The following GADL1 variants were observed in gnomAD, a reference collection of about 807,000 sequenced individuals.
The protein encoded by GADL1 is GAD like acidic amino acid decarboxylase 1, also known as acidic amino acid decarboxylase GADL1.
A neutral mutation model predicts 69.5 loss-of-function variants in GADL1; 71 were observed. That is an observed-to-expected ratio of 1.02 (90% CI 0.84 to 1.25). GADL1 has a LOEUF of 1.25. GADL1 is among the 50% of genes most tolerant of loss of function. The pLI is 0.00. For missense variants in GADL1, 737 were observed against 631.8 expected, an observed-to-expected ratio of 1.17 and a Z score of -1.79; for synonymous variants, 254 against 214.4, an observed-to-expected ratio of 1.18 and a Z score of -1.62.
At chr3:30,758,482 C>G (rs795451) in intron 14 of GADL1, among the ~76,000 whole-genome samples, 1 of 152,034 alleles carries the variant, frequency 6.6e-6, no homozygotes, top group South Asian at 2.1e-4. Context: ...TAGAATCAGA[C>G]TGGCTCTGAG....
intron 13 of GADL1, among the ~76,000 whole-genome samples, chr3:30,782,559 T>G (rs1173203962): frequency 6.6e-6 from 1 of 152,130 alleles, no homozygotes; most frequent in Non-Finnish European, 1.5e-5. Flanking sequence ...GGCATCTAGG[T>G]GAAAATTTCA....
chr3:30,751,816 A>G (rs1368086752), intron 14 of GADL1, among the ~76,000 whole-genome samples: 3 of 152,102 alleles, frequency 2.0e-5, no homozygotes. Flanking sequence ...AGTCCCTTGG[A>G]AAGCTTTTTT....
In GADL1 at chr3:30,759,106, T is replaced by G. The variant is rs140073656; in HGVS notation, c.1392+19073A>C. ...CCAGTGCAGATCACGATGGAGCTGGTTGGATTTAGTGCTGGCATCTCGTAA... is the reference window on the plus strand; with the variant it reads ...CCAGTGCAGATCACGATGGAGCTGGGTGGATTTAGTGCTGGCATCTCGTAA... On this transcript the variant is annotated intron_variant, in intron 14 of 14. Transcript: ENST00000282538. Among the ~76,000 whole-genome samples the G allele has an allele frequency of 1.5e-3, 227 of 152,238 alleles. 4 individuals carry two copies. Among genetic ancestry groups the G allele is most frequent in the African/African-American group, 5.2e-3 (217 of 41,540 alleles).
intron 6 of GADL1, among the ~76,000 whole-genome samples, chr3:30,847,848 A>G (rs1447761031): frequency 1.3e-5 from 2 of 152,174 alleles, no homozygotes; most frequent in East Asian, 3.9e-4. Context: ...TTTCACTCCC[A>G]ATTCATAAGC....
intron 1 of GADL1, among the ~76,000 whole-genome samples, chr3:30,867,588 G>C (rs186336477): frequency 2.6e-5 from 4 of 151,822 alleles, no homozygotes; most frequent in South Asian, 4.2e-4. Context: ...GCACAGAGAG[G>C]GTTTAATTCA....
At chr3:30,754,431 C>G (rs1695913735) in intron 14 of GADL1, among the ~76,000 whole-genome samples, 1 of 152,072 alleles carries the variant, frequency 6.6e-6, no homozygotes, top group African/African-American at 2.4e-5. Context: ...AAGCATGAAT[C>G]CTAAAGGGAT....
chr3:30,802,716 G>A (rs1261079816), intron 11 of GADL1, among the ~76,000 whole-genome samples: 1 of 152,152 alleles, frequency 6.6e-6, no homozygotes, highest in East Asian at 1.9e-4. Flanking sequence ...TTACAAAAAA[G>A]TATGATTTTA....
chr3:30,867,301 T>C (rs963869843), intron 1 of GADL1, among the ~76,000 whole-genome samples: 6 of 151,700 alleles, frequency 4.0e-5, no homozygotes, highest in Non-Finnish European at 7.4e-5. Context: ...ACCTCTAAAG[T>C]CCTTCCAAAA....
intron 1 of GADL1, among the ~76,000 whole-genome samples, chr3:30,883,122 G>A (rs1391149212): frequency 2.6e-5 from 4 of 151,858 alleles, no homozygotes; most frequent in African/African-American, 4.8e-5. Context: ...TGTTGATTGT[G>A]TCTTTTGGTG....
chr3:30,770,942 C>T (rs927997889), intron 14 of GADL1, among the ~76,000 whole-genome samples: 2 of 151,998 alleles, frequency 1.3e-5, no homozygotes, highest in Non-Finnish European at 2.9e-5. Context: ...ATGTTTAGAC[C>T]ACAAAACAAT....
chr3:30,839,257 A>G (rs1559357523), intron 8 of GADL1, 144 bp from the exon 9 acceptor site: 3 of 520,902 alleles, frequency 5.8e-6, no homozygotes, highest in Non-Finnish European at 6.9e-6. Flanking sequence ...GTGTTTTTAA[A>G]TTTTGTGAAT....
At chr3:30,849,795 A>G (rs1490871046) in intron 6 of GADL1, among the ~76,000 whole-genome samples, 2 of 152,206 alleles carry the variant, frequency 1.3e-5, no homozygotes, top group African/African-American at 4.8e-5. Context: ...TAAATTTTAA[A>G]TAAAGGTAAT....
intron 1 of GADL1, among the ~76,000 whole-genome samples, chr3:30,884,386 A>G (rs1698678008): frequency 1.3e-5 from 2 of 152,028 alleles, no homozygotes; most frequent in Admixed American, 1.3e-4. Context: ...GCAAGTCTGC[A>G]GCACCTGTCG....
chr3:30,784,767 GTCT>G (rs573921314), intron 13 of GADL1, among the ~76,000 whole-genome samples: 21 of 152,114 alleles, frequency 1.4e-4, no homozygotes, highest in African/African-American at 4.6e-4. Flanking sequence ...TCAGACTCCT[GTCT>G]TCTTAAAACA....
At chr3:30,885,412 A>G (rs1441343582) in intron 1 of GADL1, among the ~76,000 whole-genome samples, 1 of 152,154 alleles carries the variant, frequency 6.6e-6, no homozygotes, top group African/African-American at 2.4e-5. Context: ...AAACCAAACC[A>G]GATGGATAAA....
intron 11 of GADL1, among the ~76,000 whole-genome samples, chr3:30,816,609 T>G (rs1045590134): frequency 7.4e-6 from 1 of 134,366 alleles, no homozygotes; most frequent in African/African-American, 2.7e-5. Context: ...GCATTGGCGC[T>G]ATCTTGGCTC....
chr3:30,877,707 A>C (rs561423428), intron 1 of GADL1, among the ~76,000 whole-genome samples: 1 of 152,040 alleles, frequency 6.6e-6, no homozygotes, highest in Admixed American at 6.6e-5. Context: ...CTGAAATGGG[A>C]ATAGTCTTAT....
intron 14 of GADL1, among the ~76,000 whole-genome samples, chr3:30,752,523 C>A (rs1465997311): frequency 6.6e-6 from 1 of 152,170 alleles, no homozygotes; most frequent in Non-Finnish European, 1.5e-5. Context: ...TGCTGTGGGA[C>A]ACTGTTTGCT....
At chr3:30,831,193 A>G (rs1697785712) in intron 11 of GADL1, among the ~76,000 whole-genome samples, 1 of 151,950 alleles carries the variant, frequency 6.6e-6, no homozygotes, top group South Asian at 2.1e-4. Flanking sequence ...AATCATCACA[A>G]TGGTCTCTAA....
Sources: allele counts gnomAD v4.1 joint callset (sites outside exome capture counted in the v4.1 genomes callset), GRCh38; gene constraint gnomAD v4.1.1; transcripts MANE v1.5; gene names NCBI Gene and HGNC (gene_info 2026-07-23, HGNC 2026-07-21).